VAMP7: variants seen among roughly 807,000 people sequenced by gnomAD.
VAMP7 encodes vesicle associated membrane protein 7.
A neutral mutation model predicts 29.6 loss-of-function variants in VAMP7; 14 were observed. That is an observed-to-expected ratio of 0.47 (90% CI 0.31 to 0.74). VAMP7 has a LOEUF of 0.74. Ranked by LOEUF, VAMP7 falls within the 30% of genes least tolerant of loss-of-function variation. VAMP7 has a pLI of 0.05. For synonymous variants in VAMP7, 95 were observed against 88.1 expected (o/e 1.08, Z -0.44); for missense variants, 223 against 262.4 (o/e 0.85, Z 1.04).
At chrX:155,925,520 A>G (rs1183236286) in intron 6 of VAMP7, among the ~76,000 whole-genome samples, 3 of 152,182 alleles carry the variant, frequency 2.0e-5, no homozygotes, top group Admixed American at 6.5e-5. Flanking sequence ...TCCTGACAAC[A>G]TGTGCCCAAG....
chrX:155,913,125 G>A lies in VAMP7; in HGVS notation c.434-6688G>A, dbSNP rs187200934. Among the ~76,000 whole-genome samples the A allele has an allele frequency of 2.1e-3, 327 of 152,214 alleles. 2 individuals are homozygous for A. The highest frequency in any genetic ancestry group is 7.6e-3 in the African/African-American group (316 of 41,526). The stretch of plus-strand genomic sequence containing the variant: ...TTGATTTGCATTTCTCTAATGACCC[G>A]TGATGATGAGCTTTTTTTTCATATG... On this transcript the variant is annotated intron_variant, in intron 5 of 7. Coordinates refer to ENST00000286448, the MANE Select transcript of VAMP7 (RefSeq NM_005638.6).
At chrX:155,892,671 C>T (rs2065938965) in intron 2 of VAMP7, among the ~76,000 whole-genome samples, 5 of 152,002 alleles carry the variant, frequency 3.3e-5, no homozygotes, top group African/African-American at 9.7e-5. Flanking sequence ...AGTCAGGCAC[C>T]GCAATCAGAC....
chrX:155,906,679 G>A (rs1351019922), intron 5 of VAMP7, among the ~76,000 whole-genome samples: 1 of 152,020 alleles, frequency 6.6e-6, no homozygotes, highest in Non-Finnish European at 1.5e-5. Context: ...ATACAACCTT[G>A]TTCTCCTTTA....
At chrX:155,907,374 A>G (rs1425198036) in intron 5 of VAMP7, among the ~76,000 whole-genome samples, 1 of 152,054 alleles carries the variant, frequency 6.6e-6, no homozygotes, top group Admixed American at 6.5e-5. Context: ...CAGCAGATAA[A>G]CAAGTGAACA....
intron 2 of VAMP7, among the ~76,000 whole-genome samples, chrX:155,891,762 C>T (rs1315323480): frequency 1.3e-5 from 2 of 152,204 alleles, no homozygotes; most frequent in Non-Finnish European, 2.9e-5. Context: ...TTTTTCCTTT[C>T]TGGCCACATC....
intron 4 of VAMP7, among the ~76,000 whole-genome samples, chrX:155,899,011 T>A (rs2066024403): frequency 6.6e-6 from 1 of 152,092 alleles, no homozygotes; most frequent in Admixed American, 6.6e-5. Flanking sequence ...AGTATATGCA[T>A]ATACCACAAT....
intron 6 of VAMP7, among the ~76,000 whole-genome samples, chrX:155,920,571 T>A (rs1412078474): frequency 6.6e-6 from 1 of 152,228 alleles, no homozygotes; most frequent in African/African-American, 2.4e-5. Flanking sequence ...ATGTTCGTTG[T>A]GACTGACAGC....
At chrX:155,881,889 T>C (rs935315607) in intron 1 of VAMP7, among the ~76,000 whole-genome samples, 7 of 152,160 alleles carry the variant, frequency 4.6e-5, no homozygotes, top group Admixed American at 4.6e-4. Context: ...CCTCCACTGC[T>C]CAGTATTGAC....
At chrX:155,895,261 A>G (rs1016572754) in intron 2 of VAMP7, among the ~76,000 whole-genome samples, 1 of 152,188 alleles carries the variant, frequency 6.6e-6, no homozygotes, top group African/African-American at 2.4e-5. Context: ...ACTTAGGAAA[A>G]AGCAAAGAAA....
intron 5 of VAMP7, among the ~76,000 whole-genome samples, chrX:155,902,031 ATCCTCTTTTATT>A (rs2066070290): frequency 6.6e-6 from 1 of 151,918 alleles, no homozygotes; most frequent in South Asian, 2.1e-4. Flanking sequence ...ATTTCTTTGT[ATCCTCTTTTATT>A]TCACTGAGCA....
At chrX:155,940,585 G>A (rs1325938806) in intron 7 of VAMP7, among the ~76,000 whole-genome samples, 1 of 151,594 alleles carries the variant, frequency 6.6e-6, no homozygotes, top group East Asian at 1.9e-4. Flanking sequence ...GATTTGTGCA[G>A]CTGAATTGTT....
At chrX:155,898,366 C>A in intron 4 of VAMP7, 117 bp downstream of exon 4, 4 of 1,339,828 alleles carry the variant, frequency 3.0e-6, no homozygotes, top group South Asian at 1.8e-5. Context: ...TTACTGTAAG[C>A]CAACATAATA....
At chrX:155,904,029 A>T (rs1303642254) in intron 5 of VAMP7, among the ~76,000 whole-genome samples, 4 of 152,028 alleles carry the variant, frequency 2.6e-5, no homozygotes, top group Non-Finnish European at 5.9e-5. Context: ...GCAGCCATAA[A>T]AAATGATGAG....
chrX:155,936,953 G>T (rs1302838449), intron 6 of VAMP7, among the ~76,000 whole-genome samples: 3 of 152,102 alleles, frequency 2.0e-5, no homozygotes, highest in Admixed American at 2.0e-4. Context: ...ATTGATGAAA[G>T]AAATTCAAGA....
Position 155,898,214 on chromosome X carries a change from A to G in VAMP7, c.307A>G (p.Asn103Asp). The change falls in exon 4 of 8, where the codon AAT (asparagine) becomes GAT (aspartate). Residue 103 changes from asparagine (N) to aspartate (D), a missense_variant. Transcript: ENST00000286448. ...RAQTALPYAM[N>D]SEFSSVLAAQ... ...ACAGACAGCACTTCCATATGCCATG[A>G]ATAGCGAGTTCTCAAGTGTCTTAGC... 3.7e-6 allele frequency: 6 copies of G among 1,613,590 alleles called. No individual in the cohort carries two copies. The highest frequency in any genetic ancestry group is 5.1e-6 in the Non-Finnish European group (6 of 1,179,626).
chrX:155,933,849 T>A (rs2066604574), intron 6 of VAMP7, among the ~76,000 whole-genome samples: 1 of 152,198 alleles, frequency 6.6e-6, no homozygotes, highest in African/African-American at 2.4e-5. Context: ...TGCTATAAAT[T>A]TCCCTCTACA....
At chrX:155,920,010 G>A (rs2066372989) in intron 6 of VAMP7, 130 bp downstream of exon 6, 1 of 733,376 alleles carries the variant, frequency 1.4e-6, no homozygotes, top group African/African-American at 1.8e-5. Flanking sequence ...TTTCCATTAT[G>A]TGATTACTTT....
In VAMP7 at chrX:155,912,221, G is replaced by GAACTAT. The variant is rs1354706503; in HGVS notation, c.434-7590_434-7585dup. 5.3e-5 allele frequency among the ~76,000 whole-genome samples: 8 copies of GAACTAT among 151,906 alleles called. No individual in the cohort carries two copies. The East Asian group carries it at 1.5e-3, about 29-fold the overall frequency. ...GATGTTGAATTTTTTTTGATACCTT[G>GAACTAT]AACTATATATTTTTATTTGAATATA... On this transcript the variant is annotated intron_variant, in intron 5 of 7. Transcript: ENST00000286448.
intron 6 of VAMP7, among the ~76,000 whole-genome samples, chrX:155,937,790 G>A (rs917423892): frequency 7.2e-5 from 11 of 152,120 alleles, no homozygotes; most frequent in Non-Finnish European, 1.5e-4. Context: ...GCTAATAGGT[G>A]TGTAAATCAG....
Sources: gnomAD v4.1 joint callset for allele counts (sites outside exome capture counted in the v4.1 genomes callset) on GRCh38, gnomAD v4.1.1 for gene constraint, MANE v1.5 for transcripts, NCBI Gene and HGNC (gene_info 2026-07-23, HGNC 2026-07-21) for gene names.